The following CCDC181 variants were observed in gnomAD, a reference collection of about 807,000 sequenced individuals.
CCDC181 encodes the protein coiled-coil domain-containing protein 181.
A neutral mutation model predicts 58.7 loss-of-function variants in CCDC181; 35 were observed. The ratio of observed to expected loss-of-function variants is 0.60; its 90% CI spans 0.46 to 0.79. CCDC181 has a LOEUF of 0.79. Among genes scored for constraint, CCDC181 ranks in the 30% least tolerant of loss-of-function variants. The pLI is 0.00. For synonymous variants in CCDC181, 183 were observed against 197.5 expected (o/e 0.93, Z 0.62); for missense variants, 517 against 583.9 (o/e 0.89, Z 1.18).
rs776026811 is a variant in CCDC181, at chr1:169,421,498, A to G, written c.933T>C (p.Ser311=). 22 of 1,613,868 alleles carry G rather than the reference A, an allele frequency of 1.4e-5. No homozygotes were observed. The highest frequency in any genetic ancestry group is 1.9e-5 in the Non-Finnish European group (22 of 1,179,988). The change falls in exon 3 of 6, where the codon AGT becomes AGC. Residue 311 remains serine, a synonymous_variant. Coordinates refer to ENST00000367806, the MANE Select transcript of CCDC181 (RefSeq NM_001300969.2). Reference sequence around the variant, plus strand: ...TGTGATTAGATTTCCCATTCCCTTTACTTCGATCTGAGTTGACAGCAGAGC... The same window carrying G: ...TGTGATTAGATTTCCCATTCCCTTTGCTTCGATCTGAGTTGACAGCAGAGC... ...CPSSAVNSDR[S]KGNGKSNHRT...
intron 2 of CCDC181, among the ~76,000 whole-genome samples, chr1:169,435,807 A>G (rs6679086): frequency 0.12 from 17,904 of 152,266 alleles, 1,111 homozygotes; most frequent in Admixed American, 0.14. Context: ...CTACATTATC[A>G]AACATTTTTT....
rs953221545 is a variant in CCDC181 at position 169,458,442 on chromosome 1, G to T, written c.-24+1355C>A. Among the ~76,000 whole-genome samples, 8 of 152,048 alleles carry T rather than the reference G, an allele frequency of 5.3e-5. No homozygotes were observed. In the East Asian group the frequency reaches 1.2e-3, roughly 22 times the overall value. ...AAATGTTTACCAGTTTCTTATAAAT[G>T]ATATAAATGAACAATTTGATAAAAA... On this transcript the variant is annotated intron_variant, in intron 2 of 6. Transcript: ENST00000545005.
chr1:169,408,197 T>G (rs1213291077), intron 4 of CCDC181, among the ~76,000 whole-genome samples: 1 of 152,172 alleles, frequency 6.6e-6, no homozygotes, highest in African/African-American at 2.4e-5. Context: ...AGCACAGCAG[T>G]CTGAAGTCGA....
At chr1:169,457,692 T>A (rs750919015) in intron 2 of CCDC181, among the ~76,000 whole-genome samples, 1 of 152,204 alleles carries the variant, frequency 6.6e-6, no homozygotes, top group Non-Finnish European at 1.5e-5. Flanking sequence ...TTTAACTGTA[T>A]TTAATCTGCT....
chr1:169,423,434 TTTTC>T (rs1656575743), intron 2 of CCDC181, among the ~76,000 whole-genome samples: 2 of 151,914 alleles, frequency 1.3e-5, no homozygotes, highest in African/African-American at 4.8e-5. Flanking sequence ...TTAGCTTTTC[TTTTC>T]TTTTCTTTTG....
chr1:169,428,297 G>A (rs1166759810), upstream of CCDC181, among the ~76,000 whole-genome samples: 3 of 152,054 alleles, frequency 2.0e-5, no homozygotes, highest in Admixed American at 2.0e-4. Context: ...TACTGCTTCA[G>A]CGCTTGAAAA....
At chr1:169,397,525 T>G in intron 4 of CCDC181, 134 bp from the exon 5 acceptor site, 1 of 701,686 alleles carries the variant, frequency 1.4e-6, no homozygotes, top group Non-Finnish European at 2.2e-6. Flanking sequence ...ATTACCTGCA[T>G]TCCTAGTATC....
chr1:169,400,726 A>G (rs535261308), intron 4 of CCDC181, among the ~76,000 whole-genome samples: 4 of 152,362 alleles, frequency 2.6e-5, no homozygotes, highest in African/African-American at 9.6e-5. Context: ...GAACAGCTCC[A>G]GTCTATAGCT....
chr1:169,397,480 C>T (rs895468713), intron 4 of CCDC181, 89 bp from the exon 5 acceptor site: 7 of 1,179,924 alleles, frequency 5.9e-6, no homozygotes, highest in Non-Finnish European at 8.0e-6. Flanking sequence ...GAATATATTT[C>T]CTACTCTTCA....
At chr1:169,425,731 A>G (rs1436525176) in intron 1 of CCDC181, among the ~76,000 whole-genome samples, 1 of 152,146 alleles carries the variant, frequency 6.6e-6, no homozygotes, top group Non-Finnish European at 1.5e-5. Context: ...CACAGTCACA[A>G]TGCCTTGGAA....
intron 5 of CCDC181, chr1:169,396,580 A>G (rs1000932952): frequency 1.3e-5 from 2 of 152,130 alleles, no homozygotes; most frequent in Admixed American, 6.6e-5. Context: ...AGGAAAGAGC[A>G]AAAGAGACGA....
intron 2 of CCDC181, among the ~76,000 whole-genome samples, chr1:169,444,016 A>T (rs12025397): frequency 0.084 from 12,843 of 152,234 alleles, 739 homozygotes; most frequent in Admixed American, 0.19. Flanking sequence ...TACTCAACTT[A>T]TTCTCAAACA....
intron 2 of CCDC181, among the ~76,000 whole-genome samples, chr1:169,447,294 G>A (rs1227139056): frequency 1.3e-5 from 2 of 152,068 alleles, no homozygotes; most frequent in African/African-American, 2.4e-5. Context: ...TGAAATTTTA[G>A]TAGAGACAAG....
intron 2 of CCDC181, among the ~76,000 whole-genome samples, chr1:169,439,383 A>C (rs1382499307): frequency 6.6e-6 from 1 of 152,184 alleles, no homozygotes; most frequent in African/African-American, 2.4e-5. Context: ...TCTCCCCAGA[A>C]CTATTTCTCT....
intron 2 of CCDC181, among the ~76,000 whole-genome samples, chr1:169,434,429 G>A (rs940505138): frequency 3.3e-5 from 5 of 151,750 alleles, no homozygotes; most frequent in South Asian, 2.1e-4. Flanking sequence ...TCCCATTTCC[G>A]AGCATATACC....
chr1:169,432,473 T>G (rs1303122952), upstream of CCDC181, among the ~76,000 whole-genome samples: 1 of 152,150 alleles, frequency 6.6e-6, no homozygotes, highest in African/African-American at 2.4e-5. Context: ...GATATGAATA[T>G]GATCATCACA....
At chr1:169,421,291 T>G in intron 3 of CCDC181, 72 bp downstream of exon 3, 1 of 1,178,900 alleles carries the variant, frequency 8.5e-7, no homozygotes, top group Non-Finnish European at 1.2e-6. Flanking sequence ...AACAACTGTT[T>G]TAATTCCCAT....
rs1186057285 is a variant in CCDC181, at chr1:169,422,026, G to C, written c.405C>G (p.Asn135Lys). 1.9e-6 allele frequency: 3 copies of C among 1,614,016 alleles called. No individual in the cohort carries two copies. The highest frequency in any genetic ancestry group is 3.3e-5 in the Admixed American group (2 of 60,000). ...RYIMEKIVQANKLLQNQEPVN... is the reference protein window; with the variant it reads ...RYIMEKIVQAKKLLQNQEPVN... Reference sequence around the variant, plus strand: ...CCGGTTCTTGATTCTGTAGAAGCTTGTTAGCTTGTACAATTTTCTCCATAA... The same window carrying C: ...CCGGTTCTTGATTCTGTAGAAGCTTCTTAGCTTGTACAATTTTCTCCATAA... Residue 135 changes from asparagine to lysine, a missense_variant, in exon 3 of 6, where the codon AAC becomes AAG. Physicochemically the swap from Asn to Lys is moderately conservative, Grantham distance 94. Coordinates refer to ENST00000367806, the MANE Select transcript of CCDC181 (RefSeq NM_001300969.2).
intron 4 of CCDC181, among the ~76,000 whole-genome samples, chr1:169,405,967 C>G (rs1655627351): frequency 6.6e-6 from 1 of 151,932 alleles, no homozygotes; most frequent in South Asian, 2.1e-4. Context: ...AAAAACAACC[C>G]CATCAAAAAA....
Sources: allele counts gnomAD v4.1 joint callset (sites outside exome capture counted in the v4.1 genomes callset), GRCh38; gene constraint gnomAD v4.1.1; transcripts MANE v1.5; gene names NCBI Gene and HGNC (gene_info 2026-07-23, HGNC 2026-07-21).